Variants in WWOX observed in about 807,000 individuals in gnomAD.
WWOX encodes the protein WW domain containing oxidoreductase, also known as WW domain-containing oxidoreductase.
Under a neutral mutation model 46.2 loss-of-function variants are expected in WWOX, and 69 were observed. The observed-to-expected ratio is 1.49, with a 90% CI of 1.23 to 1.82. The LOEUF (loss-of-function observed/expected upper bound fraction) is 1.82. Among genes scored for constraint, WWOX ranks in the 40% most tolerant of loss-of-function variants. WWOX has a pLI of 0.00. For missense variants in WWOX, 919 were observed against 542.6 expected, an observed-to-expected ratio of 1.69 and a Z score of -6.89; for synonymous variants, 359 against 202.6, an observed-to-expected ratio of 1.77 and a Z score of -6.56.
rs1483936871 is a variant in WWOX at position 78,695,061 on chromosome 16, ATAT to A, written c.1056+262314_1056+262316del. ...AAATGCTCTTCCAATATGAAGCAAA[ATAT>A]TATTGATCTAGACTGCCTGCTACTT... On this transcript the variant is annotated intron_variant, in intron 8 of 8. Transcript: ENST00000566780. Among the ~76,000 whole-genome samples the A allele has an allele frequency of 2.0e-5, 3 of 152,260 alleles. No homozygotes were observed. In the East Asian group the frequency reaches 5.8e-4, roughly 29 times the overall value.
intron 8 of WWOX, among the ~76,000 whole-genome samples, chr16:78,951,528 G>C (rs924253663): frequency 2.0e-5 from 3 of 152,180 alleles, no homozygotes; most frequent in African/African-American, 7.2e-5. Flanking sequence ...AAGAAGTCAT[G>C]TTATTGCTGG....
chr16:79,160,656 C>T (rs933709354), intron 8 of WWOX, among the ~76,000 whole-genome samples: 1 of 152,146 alleles, frequency 6.6e-6, no homozygotes, highest in African/African-American at 2.4e-5. Flanking sequence ...GCAGCCCACA[C>T]TCGGCTCACT....
chr16:78,879,322 C>T (rs1467935897), intron 8 of WWOX, among the ~76,000 whole-genome samples: 1 of 152,060 alleles, frequency 6.6e-6, no homozygotes, highest in Non-Finnish European at 1.5e-5. Context: ...AAATGGTGGA[C>T]CCTCTGATGT....
chr16:78,392,977 C>T (rs746345418), intron 6 of WWOX, among the ~76,000 whole-genome samples: 26 of 152,198 alleles, frequency 1.7e-4, no homozygotes, highest in Middle Eastern at 6.8e-3. Flanking sequence ...TAGCAGCGGT[C>T]GTCGGCCAGT....
At chr16:78,402,604 A>G (rs956660077) in intron 6 of WWOX, among the ~76,000 whole-genome samples, 10 of 152,160 alleles carry the variant, frequency 6.6e-5, no homozygotes. Flanking sequence ...GTTCCCTGGG[A>G]CGTGCCTGGT....
At chr16:78,703,510 G>C (rs1364279175) in intron 8 of WWOX, among the ~76,000 whole-genome samples, 1 of 152,004 alleles carries the variant, frequency 6.6e-6, no homozygotes, top group African/African-American at 2.4e-5. Flanking sequence ...CAGCTACTCA[G>C]AGGGAGGCTG....
chr16:78,426,032 C>T (rs917953878), intron 7 of WWOX, among the ~76,000 whole-genome samples: 7 of 152,146 alleles, frequency 4.6e-5, no homozygotes, highest in African/African-American at 7.2e-5. Context: ...AACACAGGGG[C>T]TTATGGTATA....
chr16:78,333,670 TAAGC>T (rs1256167375), intron 5 of WWOX, among the ~76,000 whole-genome samples: 3 of 152,182 alleles, frequency 2.0e-5, no homozygotes, highest in African/African-American at 7.2e-5. Context: ...ACATACTTCA[TAAGC>T]AGGAGGCATA....
At chr16:78,244,734 C>T (rs56864502) in intron 5 of WWOX, among the ~76,000 whole-genome samples, 1 of 152,302 alleles carries the variant, frequency 6.6e-6, no homozygotes, top group Middle Eastern at 3.4e-3. Context: ...CCTGCAGTTA[C>T]TAATTCCTGT....
At chr16:79,209,779 C>A (rs1228435214) in intron 8 of WWOX, among the ~76,000 whole-genome samples, 1 of 152,194 alleles carries the variant, frequency 6.6e-6, no homozygotes. Context: ...CTTTTCCCCA[C>A]ATGGGATGCA....
At chr16:78,567,573 A>G (rs1388632958) in intron 8 of WWOX, among the ~76,000 whole-genome samples, 2 of 150,856 alleles carry the variant, frequency 1.3e-5, no homozygotes, top group Non-Finnish European at 2.9e-5. Flanking sequence ...AAAAAAAAAA[A>G]AAGAAGTGAG....
At chr16:78,194,374 G>A (rs971934114) in intron 5 of WWOX, among the ~76,000 whole-genome samples, 1 of 151,538 alleles carries the variant, frequency 6.6e-6, no homozygotes, top group African/African-American at 2.4e-5. Flanking sequence ...GATCACCTGA[G>A]GTCAGGAGTT....
At chr16:78,747,140 C>G (rs922456379) in intron 8 of WWOX, among the ~76,000 whole-genome samples, 15 of 151,584 alleles carry the variant, frequency 9.9e-5, no homozygotes, top group African/African-American at 3.6e-4. Flanking sequence ...GGCTTTTGTA[C>G]ATGTTGTTTC....
intron 8 of WWOX, among the ~76,000 whole-genome samples, chr16:78,570,068 T>A (rs887939714): frequency 3.3e-5 from 5 of 152,228 alleles, no homozygotes; most frequent in African/African-American, 1.2e-4. Context: ...TACAGTATTT[T>A]GTTGATTTAT....
At chr16:79,031,425 CATCTT>C (rs61347185) in intron 8 of WWOX, among the ~76,000 whole-genome samples, 55,781 of 151,810 alleles carry the variant, frequency 0.37, 11,178 homozygotes, top group East Asian at 0.64. Flanking sequence ...ACGCATTAGA[CATCTT>C]CAAGTGGGCT....
chr16:78,104,973 G>C (rs911585371), intron 1 of WWOX, among the ~76,000 whole-genome samples: 1 of 152,194 alleles, frequency 6.6e-6, no homozygotes, highest in Non-Finnish European at 1.5e-5. Flanking sequence ...AACCTTGGCA[G>C]TTGGGCTTCA....
intron 8 of WWOX, among the ~76,000 whole-genome samples, chr16:78,530,170 C>G (rs920663055): frequency 6.6e-6 from 1 of 152,142 alleles, no homozygotes; most frequent in African/African-American, 2.4e-5. Flanking sequence ...TAGCATCTGG[C>G]AGGGGATGCC....
intron 8 of WWOX, among the ~76,000 whole-genome samples, chr16:79,111,380 C>T (rs2049413316): frequency 6.6e-6 from 1 of 152,184 alleles, no homozygotes; most frequent in East Asian, 1.9e-4. Flanking sequence ...GGCTTTGCAG[C>T]AATTCCTTTT....
At chr16:78,850,131 A>G (rs2052405117) in intron 8 of WWOX, among the ~76,000 whole-genome samples, 1 of 152,066 alleles carries the variant, frequency 6.6e-6, no homozygotes, top group Non-Finnish European at 1.5e-5. Flanking sequence ...AGAAGTTTTC[A>G]CTACCAGTTT....
Sources: allele counts gnomAD v4.1 joint callset (sites outside exome capture counted in the v4.1 genomes callset), GRCh38; gene constraint gnomAD v4.1.1; transcripts MANE v1.5; gene names NCBI Gene and HGNC (gene_info 2026-07-23, HGNC 2026-07-21).